The following OSBPL6 variants were observed in gnomAD, a reference collection of about 807,000 sequenced individuals.
The protein encoded by OSBPL6 is oxysterol binding protein like 6, also known as oxysterol-binding protein-related protein 6.
In OSBPL6, 49 loss-of-function variants were observed where a neutral mutation model predicts 125.8. The ratio of observed to expected loss-of-function variants is 0.39; its 90% CI spans 0.31 to 0.49. OSBPL6 has a LOEUF of 0.49. Among genes scored for constraint, OSBPL6 ranks in the 20% least tolerant of loss-of-function variants. The pLI is 0.88. For missense variants in OSBPL6, 986 were observed against 1,135.4 expected, an observed-to-expected ratio of 0.87 and a Z score of 1.89; for synonymous variants, 394 against 391.8, an observed-to-expected ratio of 1.01 and a Z score of -0.07.
intron 7 of OSBPL6, 47 bp downstream of exon 7, chr2:178,332,801 A>G: frequency 6.2e-7 from 1 of 1,609,236 alleles, no homozygotes; most frequent in Non-Finnish European, 8.5e-7. Flanking sequence ...AGGGGAAACG[A>G]TTTGCCTACA....
chr2:178,319,325 C>G (rs528281836), intron 3 of OSBPL6, among the ~76,000 whole-genome samples: 41 of 152,114 alleles, frequency 2.7e-4, no homozygotes, highest in Non-Finnish European at 5.7e-4. Context: ...TTTAAGAGTG[C>G]TATAATTTTT....
chr2:178,317,509 T>G (rs1687864467), intron 3 of OSBPL6, among the ~76,000 whole-genome samples: 2 of 144,914 alleles, frequency 1.4e-5, no homozygotes, highest in African/African-American at 2.5e-5. Flanking sequence ...TCAGCAAACA[T>G]TTATGAGAAC....
At position 178,396,657 on chromosome 2, in the gene OSBPL6, A is replaced by G. The variant is rs1356967664; in HGVS notation, c.*1098A>G. The G allele has an allele frequency of 6.6e-6, 1 of 152,246 alleles. No individual in the cohort carries two copies. Among genetic ancestry groups the G allele is most frequent in the East Asian group, 1.9e-4 (1 of 5,204 alleles). 9.4% of individuals were successfully genotyped at this position (152,246 alleles called of 1,614,324 possible). ...GCAAGAATAATAGTAGTTTATTTGCATTGTTTAAATGAATTCTATGCAAAA... is the reference window on the plus strand; with the variant it reads ...GCAAGAATAATAGTAGTTTATTTGCGTTGTTTAAATGAATTCTATGCAAAA... On this transcript the variant is annotated 3_prime_UTR_variant, in exon 25 of 25. Transcript: ENST00000190611.
At chr2:178,378,344 C>T (rs917926639) in intron 15 of OSBPL6, among the ~76,000 whole-genome samples, 1 of 152,152 alleles carries the variant, frequency 6.6e-6, no homozygotes, top group African/African-American at 2.4e-5. Context: ...GCTAACTGAG[C>T]AAAGGAAGAA....
chr2:178,375,552 A>G (rs1347777675), intron 15 of OSBPL6, among the ~76,000 whole-genome samples: 1 of 151,912 alleles, frequency 6.6e-6, no homozygotes, highest in Non-Finnish European at 1.5e-5. Context: ...CCTCCCAAGT[A>G]GTGGGGATTA....
chr2:178,249,269 G>A (rs1370747037), intron 1 of OSBPL6, among the ~76,000 whole-genome samples: 1 of 152,132 alleles, frequency 6.6e-6, no homozygotes, highest in Non-Finnish European at 1.5e-5. Context: ...AAAATATTAT[G>A]TTTTACATGC....
At chr2:178,332,594 T>C in intron 6 of OSBPL6, 47 bp from the exon 7 acceptor site, 1 of 1,389,732 alleles carries the variant, frequency 7.2e-7, no homozygotes, top group Non-Finnish European at 1.0e-6. Flanking sequence ...TACAGAAACA[T>C]CAAATCATAT....
chr2:178,299,530 C>G (rs1686084875), intron 2 of OSBPL6, among the ~76,000 whole-genome samples: 1 of 130,418 alleles, frequency 7.7e-6, no homozygotes, highest in South Asian at 2.5e-4. Context: ...TTCCTTCCTT[C>G]CTTTCTTTGT....
Position 178,342,225 on chromosome 2 carries a change from C to A in OSBPL6, c.987+2461C>A, listed in dbSNP as rs188050382. 6.8e-4 allele frequency among the ~76,000 whole-genome samples: 104 copies of A among 152,234 alleles called. 1 individual carries two copies. Among genetic ancestry groups the A allele is most frequent in the Non-Finnish European group, 3.1e-4 (21 of 68,020 alleles). On this transcript the variant is annotated intron_variant, in intron 11 of 24. Coordinates refer to ENST00000190611, the MANE Select transcript of OSBPL6 (RefSeq NM_032523.4). ...CTCATTTTCTGTCCCCACTCTTCTT[C>A]GTAACTAAGTACAACAGCCATTGTG...
intron 1 of OSBPL6, among the ~76,000 whole-genome samples, chr2:178,251,565 A>C (rs1287400742): frequency 6.6e-6 from 1 of 151,968 alleles, no homozygotes; most frequent in African/African-American, 2.4e-5. Context: ...CAGAAACTAT[A>C]ATATGTCATT....
intron 5 of OSBPL6, among the ~76,000 whole-genome samples, chr2:178,329,186 A>G (rs1445635358): frequency 2.0e-5 from 3 of 152,162 alleles, no homozygotes; most frequent in African/African-American, 4.8e-5. Flanking sequence ...ACCAGTACAA[A>G]CTAAAGCTGG....
At chr2:178,210,056 A>G (rs1439272240) in intron 1 of OSBPL6, among the ~76,000 whole-genome samples, 4 of 151,974 alleles carry the variant, frequency 2.6e-5, no homozygotes, top group African/African-American at 9.7e-5. Context: ...GTCTCACTCT[A>G]TCACCCAGGC....
chr2:178,242,892 A>G (rs1194611034), intron 1 of OSBPL6, among the ~76,000 whole-genome samples: 2 of 151,918 alleles, frequency 1.3e-5, no homozygotes, highest in African/African-American at 2.4e-5. Flanking sequence ...AATAGTCACA[A>G]TATATATATA....
chr2:178,366,455 T>C (rs1458171424), intron 13 of OSBPL6, among the ~76,000 whole-genome samples: 5 of 152,202 alleles, frequency 3.3e-5, no homozygotes, highest in Non-Finnish European at 7.3e-5. Flanking sequence ...CTAGAATCAC[T>C]GTATTTTATT....
intron 8 of OSBPL6, among the ~76,000 whole-genome samples, chr2:178,333,306 A>G (rs1281195575): frequency 6.6e-6 from 1 of 152,162 alleles, no homozygotes; most frequent in Non-Finnish European, 1.5e-5. Flanking sequence ...AATTGCTTGA[A>G]CCTGGGAGGC....
intron 5 of OSBPL6, among the ~76,000 whole-genome samples, chr2:178,330,027 A>G (rs1054362026): frequency 2.0e-5 from 3 of 152,214 alleles, no homozygotes; most frequent in South Asian, 2.1e-4. Context: ...AACCCATAAT[A>G]TTATCGTAGT....
chr2:178,338,192 C>T (rs1010834097), intron 9 of OSBPL6, among the ~76,000 whole-genome samples: 3 of 152,086 alleles, frequency 2.0e-5, no homozygotes, highest in Non-Finnish European at 4.4e-5. Context: ...CTCTGCCTCC[C>T]GACGTGCTGG....
At chr2:178,234,820 C>T (rs978455810) in intron 1 of OSBPL6, among the ~76,000 whole-genome samples, 2 of 152,064 alleles carry the variant, frequency 1.3e-5, no homozygotes, top group African/African-American at 4.8e-5. Flanking sequence ...TGCTTGGGCC[C>T]CACACCAAAC....
intron 1 of OSBPL6, among the ~76,000 whole-genome samples, chr2:178,217,984 A>G (rs73028675): frequency 0.32 from 48,753 of 152,144 alleles, 8,071 homozygotes; most frequent in African/African-American, 0.37. Context: ...TAACTTTTGT[A>G]TCAGTGGTTG....
Sources: allele counts gnomAD v4.1 joint callset (sites outside exome capture counted in the v4.1 genomes callset), GRCh38; gene constraint gnomAD v4.1.1; transcripts MANE v1.5; gene names NCBI Gene and HGNC (gene_info 2026-07-23, HGNC 2026-07-21).